The following MACROD2 variants were observed in gnomAD, a reference collection of about 807,000 sequenced individuals.
MACROD2 encodes mono-ADP ribosylhydrolase 2.
In MACROD2, 36 loss-of-function variants were observed where a neutral mutation model predicts 70.4. The observed-to-expected ratio is 0.51, with a 90% CI of 0.39 to 0.68. The LOEUF (loss-of-function observed/expected upper bound fraction) is 0.68. Among genes scored for constraint, MACROD2 ranks in the 30% least tolerant of loss-of-function variants. The pLI, the probability that MACROD2 is intolerant of heterozygous loss-of-function variation, is 0.00. For missense variants in MACROD2, 496 were observed against 538.4 expected (o/e 0.92, Z 0.78); for synonymous variants, 172 against 178.8 (o/e 0.96, Z 0.30).
intron 3 of MACROD2, among the ~76,000 whole-genome samples, chr20:14,362,522 G>A (rs764488013): frequency 6.6e-6 from 1 of 152,112 alleles, no homozygotes; most frequent in African/African-American, 2.4e-5. Flanking sequence ...TAATGGAGAC[G>A]GCTTTTAAAT....
intron 5 of MACROD2, among the ~76,000 whole-genome samples, chr20:14,846,413 T>A (rs1338760845): frequency 7.0e-6 from 1 of 143,630 alleles, no homozygotes. Context: ...TTAGTAAAGA[T>A]GGGGTTTCAC....
rs796945347 is a variant in MACROD2, at chr20:14,934,937, GCT to G, written c.418+249983_418+249984del. The G allele has an allele frequency of 4.6e-5, 7 of 152,242 alleles. 1 individual carries two copies. Among genetic ancestry groups the G allele is most frequent in the African/African-American group, 1.7e-4 (7 of 41,542 alleles). The allele number at this position is 152,242 out of a possible 1,614,324, so 9.4% of individuals were successfully genotyped here. A position where few individuals can be genotyped will look rare whatever the true frequency, so the allele number is the denominator to read the frequency against. ...GGCTGAGGGAATAAGTACCCAGAGT[GCT>G]CTCTTTTCTCTTCCTCCACTCTCCT... On this transcript the variant is annotated intron_variant, in intron 5 of 17. Transcript: ENST00000684519.
intron 8 of MACROD2, among the ~76,000 whole-genome samples, chr20:15,622,390 T>C (rs1299488471): frequency 6.6e-6 from 1 of 152,224 alleles, no homozygotes; most frequent in African/African-American, 2.4e-5. Context: ...TGAAGTCAAC[T>C]TGAGTCCAAA....
At chr20:15,280,123 T>G (rs2077429898) in intron 6 of MACROD2, among the ~76,000 whole-genome samples, 1 of 152,252 alleles carries the variant, frequency 6.6e-6, no homozygotes, top group Non-Finnish European at 1.5e-5. Context: ...ATCATTTAAA[T>G]GATTATTACT....
intron 8 of MACROD2, among the ~76,000 whole-genome samples, chr20:15,622,985 T>C (rs1417427444): frequency 6.6e-6 from 1 of 152,170 alleles, no homozygotes; most frequent in Non-Finnish European, 1.5e-5. Flanking sequence ...CCTTCACAGA[T>C]AAAGGAACTA....
At chr20:14,368,276 C>T (rs189607705) in intron 3 of MACROD2, among the ~76,000 whole-genome samples, 122 of 152,206 alleles carry the variant, frequency 8.0e-4, no homozygotes, top group Middle Eastern at 3.4e-3. Flanking sequence ...ATATAGGCCA[C>T]GCACAGTGGC....
At chr20:14,268,367 C>T (rs780255059) in intron 3 of MACROD2, among the ~76,000 whole-genome samples, 1 of 152,066 alleles carries the variant, frequency 6.6e-6, no homozygotes, top group Non-Finnish European at 1.5e-5. Context: ...ACAAATATCA[C>T]GCTTTGCCTT....
At position 15,983,623 on chromosome 20, in the gene MACROD2, A is replaced by G. The variant is rs2066433791; in HGVS notation, c.986-3104A>G. Among the ~76,000 whole-genome samples the G allele has an allele frequency of 3.3e-5, 5 of 152,200 alleles. No individual in the cohort carries two copies. In the South Asian group the frequency reaches 1.0e-3, roughly 31 times the overall value. On this transcript the variant is annotated intron_variant, in intron 13 of 17. Transcript: ENST00000684519. ...CTGCAGGGACTTTGGGATATAGCAG[A>G]GAGAGCTTGGCATGATTTATTACTC... is the stretch of plus-strand genomic sequence containing the variant.
chr20:14,304,908 G>A (rs963723712), intron 3 of MACROD2, among the ~76,000 whole-genome samples: 2 of 151,910 alleles, frequency 1.3e-5, no homozygotes, highest in African/African-American at 4.8e-5. Flanking sequence ...CTTGCTCTGG[G>A]ACTTTGCGCT....
chr20:14,355,684 G>A (rs6105255), intron 3 of MACROD2, among the ~76,000 whole-genome samples: 29,528 of 151,954 alleles, frequency 0.19, 3,016 homozygotes, highest in East Asian at 0.3. Context: ...ATGGAAAAAA[G>A]GAAAGAAACT....
intron 8 of MACROD2, among the ~76,000 whole-genome samples, chr20:15,744,402 A>G (rs1371725221): frequency 6.6e-6 from 1 of 152,186 alleles, no homozygotes; most frequent in Non-Finnish European, 1.5e-5. Flanking sequence ...TAGTCTAGTA[A>G]TGGAGTTAAG....
chr20:14,655,100 T>G (rs189571421), intron 4 of MACROD2, among the ~76,000 whole-genome samples: 1 of 152,138 alleles, frequency 6.6e-6, no homozygotes, highest in East Asian at 1.9e-4. Flanking sequence ...CCAGAACTAG[T>G]GGCTATGGAT....
rs1568719371 is a variant in MACROD2, at chr20:15,320,185, A to T, written c.540+90124A>T. Among the ~76,000 whole-genome samples the T allele has an allele frequency of 3.3e-5, 5 of 152,282 alleles. No individual in the cohort carries two copies. In the South Asian group the frequency reaches 1.0e-3, roughly 32 times the overall value. ...TGCCACTGCACTCCAGCCTGGCAACAGGGCAAGACTCCATCTCAAAAAAAA... is the reference window on the plus strand; with the variant it reads ...TGCCACTGCACTCCAGCCTGGCAACTGGGCAAGACTCCATCTCAAAAAAAA... On this transcript the variant is annotated intron_variant, in intron 6 of 17. Coordinates refer to ENST00000684519, the MANE Select transcript of MACROD2 (RefSeq NM_001351661.2).
chr20:14,068,702 G>A (rs1178368353), intron 2 of MACROD2, among the ~76,000 whole-genome samples: 1 of 152,066 alleles, frequency 6.6e-6, no homozygotes, highest in Non-Finnish European at 1.5e-5. Flanking sequence ...GGAAATAGAG[G>A]ATGTATTGAG....
At chr20:14,467,090 G>A (rs562981225) in intron 3 of MACROD2, among the ~76,000 whole-genome samples, 6 of 152,192 alleles carry the variant, frequency 3.9e-5, no homozygotes, top group Non-Finnish European at 7.3e-5. Flanking sequence ...AGTCTGCAGA[G>A]GTTATTGCTA....
Position 14,862,644 on chromosome 20 carries a change from T to TATATATAAAAATATATATAA in MACROD2, c.418+177692_418+177693insAAAATATATATAAATATATA, listed in dbSNP as rs1299865896. Among the ~76,000 whole-genome samples, 12 of 9,972 alleles carry TATATATAAAAATATATATAA rather than the reference T, an allele frequency of 1.2e-3. 3 individuals carry two copies. Among genetic ancestry groups the TATATATAAAAATATATATAA allele is most frequent in the East Asian group, 6.8e-3 (2 of 294 alleles). 6.5% of individuals were successfully genotyped at this position (9,972 alleles called of 152,430 possible). ...ATATATATATAAATATATATATAAA[T>TATATATAAAAATATATATAA]ATATATATATAAATATATATATAAA... On this transcript the variant is annotated intron_variant, in intron 5 of 17. Coordinates refer to ENST00000684519, the MANE Select transcript of MACROD2 (RefSeq NM_001351661.2).
chr20:14,707,630 C>T (rs1210081706), intron 5 of MACROD2, among the ~76,000 whole-genome samples: 3 of 152,076 alleles, frequency 2.0e-5, no homozygotes, highest in African/African-American at 7.2e-5. Flanking sequence ...CGCCTACATC[C>T]GGGAATCTCT....
chr20:15,885,656 C>T, intron 9 of MACROD2, 108 bp from the exon 10 acceptor site: 1 of 1,037,356 alleles, frequency 9.6e-7, no homozygotes, highest in Non-Finnish European at 1.3e-6. Flanking sequence ...CTGTTTTCTA[C>T]TGATCTGTTA....
intron 4 of MACROD2, among the ~76,000 whole-genome samples, chr20:14,670,368 C>A (rs564709470): frequency 6.6e-6 from 1 of 152,260 alleles, no homozygotes; most frequent in South Asian, 2.1e-4. Flanking sequence ...TCTAAGCAAT[C>A]TTAAGGTCCC....
Sources: gnomAD v4.1 joint callset for allele counts (sites outside exome capture counted in the v4.1 genomes callset) on GRCh38, gnomAD v4.1.1 for gene constraint, MANE v1.5 for transcripts, NCBI Gene and HGNC (gene_info 2026-07-23, HGNC 2026-07-21) for gene names.